The following SND1 variants were observed in gnomAD, a reference collection of about 807,000 sequenced individuals.
SND1 encodes staphylococcal nuclease and tudor domain containing 1, also known as staphylococcal nuclease domain-containing protein 1.
In SND1, 38 loss-of-function variants were observed where a neutral mutation model predicts 121.7. That is an observed-to-expected ratio of 0.31 (90% confidence interval 0.24 to 0.41). The LOEUF (loss-of-function observed/expected upper bound fraction) is 0.41. Ranked by LOEUF, SND1 falls within the 10% of genes least tolerant of loss-of-function variation. The pLI, the probability that SND1 is intolerant of heterozygous loss-of-function variation, is 1.00. For synonymous variants in SND1, 401 were observed against 447.4 expected (o/e 0.90, Z 1.31); for missense variants, 868 against 1,184.6 (o/e 0.73, Z 3.92).
chr7:127,858,302 C>T (rs1563038039), intron 12 of SND1: 3 of 991,912 alleles, frequency 3.0e-6, no homozygotes, highest in African/African-American at 3.2e-5. Flanking sequence ...ACTGGGTCAC[C>T]CAGGCCCCTT....
chr7:127,843,850 A>G (rs1012282692), intron 11 of SND1, among the ~76,000 whole-genome samples: 4 of 152,202 alleles, frequency 2.6e-5, no homozygotes, highest in Non-Finnish European at 4.4e-5. Context: ...CATTCCTACC[A>G]TCAATGAATT....
intron 14 of SND1, among the ~76,000 whole-genome samples, chr7:127,915,187 A>AT (rs920168585): frequency 5.9e-5 from 9 of 151,720 alleles, no homozygotes; most frequent in African/African-American, 1.9e-4. Flanking sequence ...CTAATTTTTT[A>AT]TTTTTTTGTA....
chr7:127,765,274 T>C (rs1797390994), intron 10 of SND1, among the ~76,000 whole-genome samples: 1 of 152,162 alleles, frequency 6.6e-6, no homozygotes, highest in South Asian at 2.1e-4. Flanking sequence ...CAGTCAACCA[T>C]TGAGCATTTC....
chr7:127,838,685 A>T (rs543240243), intron 11 of SND1, among the ~76,000 whole-genome samples: 1 of 152,218 alleles, frequency 6.6e-6, no homozygotes, highest in Non-Finnish European at 1.5e-5. Flanking sequence ...ATGAAGTACT[A>T]CATATTTTTG....
At chr7:127,810,576 T>C (rs1167170654) in intron 11 of SND1, among the ~76,000 whole-genome samples, 1 of 152,274 alleles carries the variant, frequency 6.6e-6, no homozygotes, top group Non-Finnish European at 1.5e-5. Flanking sequence ...TTTCTCGCTG[T>C]GTGAATACGA....
At chr7:127,970,414 G>A (rs964289760) in intron 15 of SND1, among the ~76,000 whole-genome samples, 3 of 152,140 alleles carry the variant, frequency 2.0e-5, no homozygotes, top group South Asian at 2.1e-4. Context: ...GTTTGGACTC[G>A]ATTTCTAAGG....
intron 10 of SND1, among the ~76,000 whole-genome samples, chr7:127,721,702 C>T (rs1316574285): frequency 6.6e-6 from 1 of 152,120 alleles, no homozygotes; most frequent in Non-Finnish European, 1.5e-5. Flanking sequence ...GTTTAATTAA[C>T]AAGATCTTAT....
intron 12 of SND1, among the ~76,000 whole-genome samples, chr7:127,886,981 T>C (rs1156257348): frequency 3.9e-5 from 6 of 152,092 alleles, no homozygotes; most frequent in Non-Finnish European, 7.4e-5. Context: ...TTGTTTACTT[T>C]CTTTGTTCCC....
intron 2 of SND1, among the ~76,000 whole-genome samples, chr7:127,693,462 G>A (rs540809054): frequency 4.6e-5 from 7 of 152,264 alleles, no homozygotes; most frequent in Admixed American, 3.9e-4. Flanking sequence ...TAACAGTACT[G>A]TTTTTATGAC....
chr7:127,732,418 C>T (rs938117922), intron 10 of SND1, among the ~76,000 whole-genome samples: 3 of 152,186 alleles, frequency 2.0e-5, no homozygotes, highest in Non-Finnish European at 4.4e-5. Flanking sequence ...TTCCTGCAGA[C>T]CTTACAAAGG....
intron 1 of SND1, among the ~76,000 whole-genome samples, chr7:127,671,260 A>G (rs1440984372): frequency 6.6e-6 from 1 of 152,232 alleles, no homozygotes; most frequent in African/African-American, 2.4e-5. Context: ...AACTTTGAGA[A>G]AAGTTAGAAT....
intron 11 of SND1, among the ~76,000 whole-genome samples, chr7:127,838,887 G>A (rs1354639779): frequency 6.6e-6 from 1 of 152,188 alleles, no homozygotes; most frequent in East Asian, 1.9e-4. Flanking sequence ...ATTAGTACAT[G>A]TTTATCTAAA....
At chr7:127,770,845 G>A (rs184360972) in intron 10 of SND1, among the ~76,000 whole-genome samples, 1 of 152,286 alleles carries the variant, frequency 6.6e-6, no homozygotes, top group East Asian at 1.9e-4. Flanking sequence ...ATAAAATGCG[G>A]TAGTCCCTTT....
In SND1 at chr7:127,844,346, T is replaced by C; in HGVS notation, c.1265T>C (p.Ile422Thr). 3 of 1,613,500 alleles carry C rather than the reference T, an allele frequency of 1.9e-6. No individual in the cohort carries two copies. The South Asian group carries it at 3.3e-5, about 18-fold the overall frequency. ...GKKVNVTVDY[I>T]RPASPATETV... ...CAGGTCAATGTGACGGTGGACTACA[T>C]TAGACCAGCCAGCCCAGCCACAGAG... is the stretch of plus-strand genomic sequence containing the variant. The change falls in exon 12 of 24, where the codon ATT becomes ACT. Residue 422 changes from isoleucine to threonine, a missense_variant. By Grantham distance (89) the Ile-to-Thr change is moderately conservative. Coordinates refer to ENST00000354725, the MANE Select transcript of SND1 (RefSeq NM_014390.4).
chr7:127,792,289 A>G (rs1053142230), intron 10 of SND1, among the ~76,000 whole-genome samples: 6 of 152,128 alleles, frequency 3.9e-5, no homozygotes, highest in Non-Finnish European at 7.4e-5. Context: ...GTGGTATGGA[A>G]TAGGTAAGAG....
intron 16 of SND1, among the ~76,000 whole-genome samples, chr7:128,025,967 T>TA (rs1433713534): frequency 1.3e-5 from 2 of 151,798 alleles, no homozygotes; most frequent in African/African-American, 4.9e-5. Flanking sequence ...CACAGACCCT[T>TA]AGTCATTGCA....
At chr7:127,679,634 G>A (rs1440806743) in intron 1 of SND1, among the ~76,000 whole-genome samples, 1 of 152,108 alleles carries the variant, frequency 6.6e-6, no homozygotes, top group Non-Finnish European at 1.5e-5. Flanking sequence ...TCTATGTTCT[G>A]TCTATGGATT....
intron 10 of SND1, among the ~76,000 whole-genome samples, chr7:127,730,770 G>A (rs1796660709): frequency 6.6e-6 from 1 of 152,184 alleles, no homozygotes; most frequent in Non-Finnish European, 1.5e-5. Context: ...TCAGGTGTTA[G>A]ATAGTGTCTC....
At chr7:127,687,090 C>T (rs1795826549) in intron 2 of SND1, 1 of 199,100 alleles carries the variant, frequency 5.0e-6, no homozygotes, top group Admixed American at 5.9e-5. Context: ...TTGGTTATGG[C>T]AGAGCTCTTT....
Sources: allele counts gnomAD v4.1 joint callset (sites outside exome capture counted in the v4.1 genomes callset), GRCh38; gene constraint gnomAD v4.1.1; transcripts MANE v1.5; gene names NCBI Gene and HGNC (gene_info 2026-07-23, HGNC 2026-07-21).